The following CADPS variants were observed in gnomAD, a reference collection of about 807,000 sequenced individuals.
CADPS encodes the protein calcium dependent secretion activator.
A neutral mutation model predicts 167.3 loss-of-function variants in CADPS; 57 were observed. The observed-to-expected ratio is 0.34, with a 90% confidence interval of 0.28 to 0.42. The LOEUF is 0.42. Among genes scored for constraint, CADPS ranks in the 20% least tolerant of loss-of-function variants. CADPS has a pLI of 1.00. For synonymous variants in CADPS, 676 were observed against 635.3 expected (o/e 1.06, Z -0.96); for missense variants, 1,414 against 1,738.1 (o/e 0.81, Z 3.32).
chr3:62,863,122 G>C (rs989103183), intron 1 of CADPS, among the ~76,000 whole-genome samples: 1 of 152,086 alleles, frequency 6.6e-6, no homozygotes, highest in African/African-American at 2.4e-5. Flanking sequence ...TCAGACACCT[G>C]GGGAGACTAA....
At chr3:62,752,464 T>C (rs1333670594) in intron 3 of CADPS, among the ~76,000 whole-genome samples, 1 of 152,230 alleles carries the variant, frequency 6.6e-6, no homozygotes, top group Non-Finnish European at 1.5e-5. Context: ...CAAGGTGATA[T>C]ATCATAGTTG....
chr3:62,753,853 C>A lies in CADPS; in HGVS notation c.556-80G>T. 2 of 1,339,402 alleles carry A rather than the reference C, an allele frequency of 1.5e-6. No individual in the cohort carries two copies. Among genetic ancestry groups the A allele is most frequent in the Non-Finnish European group, 2.0e-6 (2 of 978,898 alleles). 83.0% of individuals were successfully genotyped at this position (1,339,402 alleles called of 1,614,324 possible). A position where few individuals can be genotyped will look rare whatever the true frequency, so the allele number is the denominator to read the frequency against. ...AGTTCCCTGGGGCTGGACACTGGGC[C>A]AGTCCACCTCACGTGCATCCCAGGA... On this transcript the variant is annotated intron_variant, in intron 2 of 29. Transcript: ENST00000383710. The surrounding 1 kb of genome is among the most constrained non-coding windows in gnomAD (Gnocchi z 4.6).
At chr3:62,837,081 A>C (rs2076006378) in intron 1 of CADPS, among the ~76,000 whole-genome samples, 1 of 152,206 alleles carries the variant, frequency 6.6e-6, no homozygotes, top group African/African-American at 2.4e-5. Flanking sequence ...GCAGGTAATA[A>C]TAGTAATAAT....
intron 1 of CADPS, among the ~76,000 whole-genome samples, chr3:62,838,187 G>A (rs539286297): frequency 3.9e-5 from 6 of 152,288 alleles, no homozygotes; most frequent in South Asian, 2.1e-4. Flanking sequence ...TTCATTCGGC[G>A]CATATATTAC....
intron 26 of CADPS, among the ~76,000 whole-genome samples, chr3:62,447,264 AAAGTGCTTTGTAAACTTTAAAGC>A (rs1157524560): frequency 6.6e-6 from 1 of 152,190 alleles, no homozygotes; most frequent in Non-Finnish European, 1.5e-5. Flanking sequence ...AACGCATGAG[AAAGTGCTTTGTAAACTTTAAAGC>A]AAGGAACACA....
intron 29 of CADPS, among the ~76,000 whole-genome samples, chr3:62,400,369 C>CA (rs1182422961): frequency 6.6e-6 from 1 of 152,078 alleles, no homozygotes. Context: ...AGAAATCCTT[C>CA]AGTGTTAATT....
At chr3:62,528,600 C>T (rs866565925) in intron 13 of CADPS, among the ~76,000 whole-genome samples, 1 of 152,134 alleles carries the variant, frequency 6.6e-6, no homozygotes, top group African/African-American at 2.4e-5. Context: ...AGGGATATTA[C>T]AGATACTATG....
intron 6 of CADPS, among the ~76,000 whole-genome samples, chr3:62,608,252 C>T (rs2060972593): frequency 6.6e-6 from 1 of 151,478 alleles, no homozygotes; most frequent in Non-Finnish European, 1.5e-5. Flanking sequence ...AAAAAAAATA[C>T]CAAAAAACTG....
intron 1 of CADPS, among the ~76,000 whole-genome samples, chr3:62,766,939 C>G (rs535795410): frequency 6.6e-6 from 1 of 152,068 alleles, no homozygotes; most frequent in Non-Finnish European, 1.5e-5. Flanking sequence ...TCTTATTCAT[C>G]GAAGTTTTCC....
chr3:62,752,163 G>A (rs898032494), intron 3 of CADPS, among the ~76,000 whole-genome samples: 1 of 152,228 alleles, frequency 6.6e-6, no homozygotes, highest in African/African-American at 2.4e-5. Flanking sequence ...GGAGGTGATA[G>A]TGGTGGTGGA....
intron 6 of CADPS, among the ~76,000 whole-genome samples, chr3:62,636,420 C>G (rs1486189488): frequency 1.3e-5 from 2 of 152,174 alleles, no homozygotes; most frequent in African/African-American, 4.8e-5. Flanking sequence ...ACCATCTAAA[C>G]TAGCAGCTAC....
At chr3:62,779,409 C>A in intron 1 of CADPS, 1 of 471,766 alleles carries the variant, frequency 2.1e-6, no homozygotes, top group Non-Finnish European at 4.1e-6. Context: ...CCTTTTGAAG[C>A]TTCTTAATTT....
intron 29 of CADPS, among the ~76,000 whole-genome samples, chr3:62,402,013 G>T (rs1323886058): frequency 2.6e-5 from 4 of 152,180 alleles, no homozygotes; most frequent in Admixed American, 2.6e-4. Context: ...GTAAAAAAAT[G>T]TGAAAATGAG....
chr3:62,494,421 C>A (rs2064279864), intron 18 of CADPS, among the ~76,000 whole-genome samples: 1 of 152,162 alleles, frequency 6.6e-6, no homozygotes, highest in African/African-American at 2.4e-5. Context: ...ATCCTGATTC[C>A]AGACATTTGA....
intron 19 of CADPS, 66 bp from the exon 20 acceptor site, chr3:62,492,512 T>C: frequency 1.3e-6 from 2 of 1,484,500 alleles, no homozygotes; most frequent in Non-Finnish European, 1.9e-6. Flanking sequence ...ACATAAGACG[T>C]GAATTCCAGC....
chr3:62,458,227 T>C lies in CADPS; in HGVS notation c.3636+7140A>G, dbSNP rs2058930945. Reference sequence around the variant, plus strand: ...TATGAAAGGGCTACTGTTTATCTCTTATTAGCCCAGTGGCTCTCTGAGGCA... The same window carrying C: ...TATGAAAGGGCTACTGTTTATCTCTCATTAGCCCAGTGGCTCTCTGAGGCA... On this transcript the variant is annotated intron_variant, in intron 26 of 29. Transcript: ENST00000383710. The surrounding 1 kb of genome is among the most constrained non-coding windows in gnomAD (Gnocchi z 4.6). 6.6e-6 allele frequency among the ~76,000 whole-genome samples: 1 copy of C among 152,142 alleles called. No homozygotes were observed. The highest frequency in any genetic ancestry group is 2.1e-4 in the South Asian group (1 of 4,828).
chr3:62,680,868 C>T (rs956520703), intron 3 of CADPS, among the ~76,000 whole-genome samples: 3 of 151,972 alleles, frequency 2.0e-5, no homozygotes, highest in Admixed American at 6.6e-5. Flanking sequence ...AGGCTCATTC[C>T]TACACTACAG....
At chr3:62,583,540 A>G (rs1160905398) in intron 8 of CADPS, among the ~76,000 whole-genome samples, 1 of 152,186 alleles carries the variant, frequency 6.6e-6, no homozygotes, top group Non-Finnish European at 1.5e-5. Context: ...GGCCCTGCAC[A>G]TGCTCCTGTG....
At chr3:62,579,762 G>T (rs941837953) in intron 8 of CADPS, among the ~76,000 whole-genome samples, 1 of 152,130 alleles carries the variant, frequency 6.6e-6, no homozygotes, top group Non-Finnish European at 1.5e-5. Context: ...ATGAGATGGG[G>T]AATCATTGGA....
Sources: gnomAD v4.1 joint callset for allele counts (sites outside exome capture counted in the v4.1 genomes callset) on GRCh38, gnomAD v4.1.1 for gene constraint, Gnocchi (gnomAD v3.1) non-coding constraint, MANE v1.5 for transcripts, NCBI Gene and HGNC (gene_info 2026-07-23, HGNC 2026-07-21) for gene names.